ROR2: variants seen among roughly 807,000 people sequenced by gnomAD.
ROR2 encodes the protein tyrosine-protein kinase transmembrane receptor ROR2.
Under a neutral mutation model 74.9 loss-of-function variants are expected in ROR2, and 33 were observed. The ratio of observed to expected loss-of-function variants is 0.44; its 90% CI spans 0.33 to 0.59. The LOEUF (loss-of-function observed/expected upper bound fraction) is 0.59, where lower values mean the gene tolerates loss of function less well. Ranked by LOEUF, ROR2 falls within the 20% of genes least tolerant of loss-of-function variation. The pLI, the probability that ROR2 is intolerant of heterozygous loss-of-function variation, is 0.02. For missense variants in ROR2, 1,216 were observed against 1,313.8 expected (o/e 0.93, Z 1.15); for synonymous variants, 586 against 558.7 (o/e 1.05, Z -0.69).
At chr9:91,910,789 A>AAG (rs1830958349) in intron 1 of ROR2, among the ~76,000 whole-genome samples, 1 of 151,886 alleles carries the variant, frequency 6.6e-6, no homozygotes. Flanking sequence ...TCAGCCTCCT[A>AAG]AGTAGCTGAG....
At chr9:91,902,864 T>C (rs867364827) in intron 1 of ROR2, among the ~76,000 whole-genome samples, 8 of 152,136 alleles carry the variant, frequency 5.3e-5, no homozygotes, top group African/African-American at 9.7e-5. Flanking sequence ...CAGAAGGACA[T>C]AGACTGCATG....
chr9:91,885,558 G>T (rs1587820395), intron 1 of ROR2, among the ~76,000 whole-genome samples: 1 of 152,340 alleles, frequency 6.6e-6, no homozygotes, highest in South Asian at 2.1e-4. Flanking sequence ...CTAAGGGAAG[G>T]AGAGGCCAAA....
chr9:91,930,826 A>G (rs1361871579), intron 1 of ROR2, among the ~76,000 whole-genome samples: 1 of 152,248 alleles, frequency 6.6e-6, no homozygotes, highest in Admixed American at 6.5e-5. Context: ...AATGAAGCCA[A>G]AATAAAGCAA....
At chr9:91,924,590 G>A (rs1040856733) in intron 1 of ROR2, among the ~76,000 whole-genome samples, 20 of 152,112 alleles carry the variant, frequency 1.3e-4, no homozygotes, top group African/African-American at 3.6e-4. Flanking sequence ...TCAGGAGATC[G>A]AGACCATCCT....
intron 1 of ROR2, among the ~76,000 whole-genome samples, chr9:91,887,735 G>A (rs569415101): frequency 4.6e-5 from 7 of 150,570 alleles, no homozygotes; most frequent in Admixed American, 2.0e-4. Context: ...ATAACGGGGC[G>A]TACAAATTCA....
chr9:91,760,503 G>A (rs948970386), intron 2 of ROR2, among the ~76,000 whole-genome samples: 35 of 151,976 alleles, frequency 2.3e-4, no homozygotes, highest in African/African-American at 6.5e-4. Context: ...GCGAGGTGGC[G>A]GGCGCCTGTA....
At chr9:91,740,576 G>GTATATATATATATACATATATATA (rs1825200367) in intron 4 of ROR2, among the ~76,000 whole-genome samples, 1 of 147,042 alleles carries the variant, frequency 6.8e-6, no homozygotes, top group African/African-American at 2.6e-5. Flanking sequence ...ATATATATAT[G>GTATATATATATATACATATATATA]TATATATATA....
chr9:91,747,473 T>C (rs967464045), intron 4 of ROR2, among the ~76,000 whole-genome samples: 1 of 152,250 alleles, frequency 6.6e-6, no homozygotes, highest in Non-Finnish European at 1.5e-5. Flanking sequence ...GTACCATGTC[T>C]TGCTGTCACG....
chr9:91,921,692 T>C (rs1179582264), intron 1 of ROR2, among the ~76,000 whole-genome samples: 1 of 152,060 alleles, frequency 6.6e-6, no homozygotes, highest in East Asian at 1.9e-4. Context: ...GGTGAAAGCC[T>C]GTCTCTACTA....
At chr9:91,936,565 A>G (rs564432173) in intron 1 of ROR2, among the ~76,000 whole-genome samples, 8 of 152,348 alleles carry the variant, frequency 5.3e-5, no homozygotes, top group African/African-American at 1.9e-4. Context: ...ACTGGAAGTT[A>G]GGACTTCAAC....
At chr9:91,781,692 A>C (rs1826624128) in intron 1 of ROR2, among the ~76,000 whole-genome samples, 2 of 152,142 alleles carry the variant, frequency 1.3e-5, no homozygotes. Flanking sequence ...TTTTATTTTC[A>C]TTATTTCTAA....
At chr9:91,822,753 T>C (rs1587753822) in intron 1 of ROR2, among the ~76,000 whole-genome samples, 1 of 151,612 alleles carries the variant, frequency 6.6e-6, no homozygotes, top group Non-Finnish European at 1.5e-5. Flanking sequence ...TTCAGAGGAG[T>C]GGGAGAAGGG....
intron 1 of ROR2, among the ~76,000 whole-genome samples, chr9:91,913,621 G>C (rs992184570): frequency 1.3e-5 from 2 of 152,052 alleles, no homozygotes; most frequent in African/African-American, 4.8e-5. Context: ...GCATGGGAAG[G>C]GACTACTTCA....
intron 7 of ROR2, 117 bp from the exon 8 acceptor site, chr9:91,726,860 C>T (rs894799879): frequency 1.1e-6 from 1 of 922,088 alleles, no homozygotes; most frequent in African/African-American, 1.6e-5. Flanking sequence ...GTGTCATCAC[C>T]TAAGTTACAC....
intron 1 of ROR2, among the ~76,000 whole-genome samples, chr9:91,813,073 C>A (rs1464425004): frequency 6.6e-6 from 1 of 152,102 alleles, no homozygotes; most frequent in African/African-American, 2.4e-5. Context: ...AACAGCCCTG[C>A]CAGGGTGCCC....
At chr9:91,859,197 C>CTTTTTTTTTT (rs541283275) in intron 1 of ROR2, among the ~76,000 whole-genome samples, 1 of 121,330 alleles carries the variant, frequency 8.2e-6, no homozygotes, top group Non-Finnish European at 1.6e-5. Context: ...GAAAGTATTC[C>CTTTTTTTTTT]TTTTTTTTTT....
chr9:91,886,509 G>A (rs925668146), intron 1 of ROR2, among the ~76,000 whole-genome samples: 29 of 117,778 alleles, frequency 2.5e-4, no homozygotes, highest in African/African-American at 1.6e-3. Flanking sequence ...CGCACGGCGC[G>A]GCAGCCCCTC....
At position 91,723,817 on chromosome 9, in the gene ROR2, C is replaced by G. The variant is rs752753103; in HGVS notation, c.2677G>C (p.Gly893Arg). The G allele has an allele frequency of 1.2e-6, 2 of 1,613,974 alleles. No homozygotes were observed. Among genetic ancestry groups the G allele is most frequent in the South Asian group, 2.2e-5 (2 of 91,086 alleles). ...MADRAALLSE[G>R]ADDTQNAPED... ...GGGGCGTTCTGTGTGTCATCAGCGCCCTCTGAGAGCAGGGCTGCCCTGTCT... is the reference window on the plus strand; with the variant it reads ...GGGGCGTTCTGTGTGTCATCAGCGCGCTCTGAGAGCAGGGCTGCCCTGTCT... The change falls in exon 9 of 9, where the codon GGC becomes CGC. Residue 893 changes from glycine (G) to arginine (R), a missense_variant. Transcript: ENST00000375708.
chr9:91,817,013 A>T (rs1827961474), intron 1 of ROR2, among the ~76,000 whole-genome samples: 1 of 152,228 alleles, frequency 6.6e-6, no homozygotes, highest in African/African-American at 2.4e-5. Context: ...CACTTTGAAC[A>T]TCTCAGAAGG....
Sources: gnomAD v4.1 joint callset for allele counts (sites outside exome capture counted in the v4.1 genomes callset) on GRCh38, gnomAD v4.1.1 for gene constraint, MANE v1.5 for transcripts, NCBI Gene and HGNC (gene_info 2026-07-23, HGNC 2026-07-21) for gene names.